MAP2K5: variants seen among roughly 807,000 people sequenced by gnomAD.
MAP2K5 encodes the protein mitogen-activated protein kinase kinase 5.
In MAP2K5, 49 loss-of-function variants were observed where a neutral mutation model predicts 83.1. The observed-to-expected ratio is 0.59, with a 90% CI of 0.47 to 0.75. The LOEUF is 0.75. Ranked by LOEUF, MAP2K5 falls within the 30% of genes least tolerant of loss-of-function variation. MAP2K5 has a pLI of 0.00. For missense variants in MAP2K5, 457 were observed against 557.5 expected (o/e 0.82, Z 1.82); for synonymous variants, 202 against 191.8 (o/e 1.05, Z -0.44).
intron 11 of MAP2K5, among the ~76,000 whole-genome samples, chr15:67,656,015 A>G (rs2087065395): frequency 6.6e-6 from 1 of 152,074 alleles, no homozygotes; most frequent in Non-Finnish European, 1.5e-5. Flanking sequence ...CTCTCCAAAA[A>G]TTTTCATTTC....
intron 3 of MAP2K5, among the ~76,000 whole-genome samples, chr15:67,574,280 A>C (rs1476505286): frequency 1.3e-5 from 2 of 152,192 alleles, no homozygotes; most frequent in African/African-American, 2.4e-5. Flanking sequence ...CAAGTTAATA[A>C]AATTTAGTAG....
intron 3 of MAP2K5, among the ~76,000 whole-genome samples, chr15:67,571,998 AACTC>A (rs1458301737): frequency 6.6e-6 from 1 of 152,206 alleles, no homozygotes; most frequent in African/African-American, 2.4e-5. Flanking sequence ...AGACAAGAAA[AACTC>A]ATAATTACCA....
chr15:67,721,083 A>C (rs1386420038), intron 16 of MAP2K5, among the ~76,000 whole-genome samples: 2 of 152,190 alleles, frequency 1.3e-5, no homozygotes, highest in Admixed American at 1.3e-4. Flanking sequence ...TACTGTAATA[A>C]GCCCATTTCT....
intron 13 of MAP2K5, among the ~76,000 whole-genome samples, chr15:67,666,761 C>A (rs564465992): frequency 7.9e-5 from 12 of 152,100 alleles, no homozygotes; most frequent in Non-Finnish European, 1.5e-4. Context: ...TAAAATGCCA[C>A]CTGTTGTGAG....
chr15:67,787,161 C>T (rs961189912), intron 21 of MAP2K5, among the ~76,000 whole-genome samples: 2 of 152,218 alleles, frequency 1.3e-5, no homozygotes, highest in Non-Finnish European at 2.9e-5. Context: ...GGACTGATTC[C>T]GCCTGCCCCT....
Position 67,779,324 on chromosome 15 carries a change from G to A in MAP2K5, c.1242+6572G>A, listed in dbSNP as rs761161583. Among the ~76,000 whole-genome samples the A allele has an allele frequency of 4.6e-5, 7 of 152,070 alleles. No homozygotes were observed. The highest frequency in any genetic ancestry group is 7.4e-5 in the Non-Finnish European group (5 of 68,022). On this transcript the variant is annotated intron_variant, in intron 21 of 21. Transcript: ENST00000178640. The surrounding 1 kb of genome is among the most constrained non-coding windows in gnomAD (Gnocchi z 4.6). Reference sequence around the variant, plus strand: ...CTTTTTAATTGCATATAATTACATCGGCAGAATCACTGTCTGGATACTTGA... The same window carrying A: ...CTTTTTAATTGCATATAATTACATCAGCAGAATCACTGTCTGGATACTTGA...
chr15:67,687,622 AT>A (rs1279507283), intron 13 of MAP2K5, among the ~76,000 whole-genome samples: 1 of 152,156 alleles, frequency 6.6e-6, no homozygotes, highest in Non-Finnish European at 1.5e-5. Context: ...ATGACTATGG[AT>A]TCTTCTCAGA....
At chr15:67,564,140 G>T (rs1404362215) in intron 3 of MAP2K5, among the ~76,000 whole-genome samples, 1 of 152,184 alleles carries the variant, frequency 6.6e-6, no homozygotes, top group Non-Finnish European at 1.5e-5. Context: ...CTGGAAGTCA[G>T]GAGACCTTAG....
At chr15:67,646,624 G>C (rs1567333320) in intron 11 of MAP2K5, among the ~76,000 whole-genome samples, 155 bp downstream of exon 11, 2 of 152,098 alleles carry the variant, frequency 1.3e-5, no homozygotes, top group Non-Finnish European at 2.9e-5. Flanking sequence ...AGTGTTAGGG[G>C]TTCCTGGGGT....
chr15:67,603,519 T>C (rs890322338), intron 8 of MAP2K5, among the ~76,000 whole-genome samples: 1 of 152,222 alleles, frequency 6.6e-6, no homozygotes, highest in Non-Finnish European at 1.5e-5. Flanking sequence ...AGTAGATTTC[T>C]TATAAAAAGA....
At chr15:67,666,638 T>A (rs946799719) in intron 13 of MAP2K5, among the ~76,000 whole-genome samples, 10 of 152,284 alleles carry the variant, frequency 6.6e-5, no homozygotes, top group African/African-American at 1.7e-4. Context: ...GGACAAGGGC[T>A]GCAGTGGTTT....
At position 67,806,411 on chromosome 15, in the gene MAP2K5, A is replaced by T. The variant is rs557494729; in HGVS notation, c.1243-235A>T. Among the ~76,000 whole-genome samples the T allele has an allele frequency of 4.7e-4, 71 of 152,302 alleles. 2 individuals carry two copies. The highest frequency in any genetic ancestry group is 1.4e-3 in the African/African-American group (57 of 41,558). On this transcript the variant is annotated intron_variant, in intron 21 of 21. Transcript: ENST00000178640. ...TGCGAGCCTCAGGAAGAGGTGGCAGAGTCTGAGATGTGCCAGCCAGCACTC... is the reference window on the plus strand; with the variant it reads ...TGCGAGCCTCAGGAAGAGGTGGCAGTGTCTGAGATGTGCCAGCCAGCACTC...
chr15:67,645,697 C>T (rs540171501), intron 9 of MAP2K5, among the ~76,000 whole-genome samples: 6 of 151,720 alleles, frequency 4.0e-5, no homozygotes, highest in African/African-American at 7.2e-5. Context: ...TGGGACCACC[C>T]GATCATACTA....
chr15:67,638,868 C>G lies in MAP2K5; in HGVS notation c.586-7363C>G, dbSNP rs1039267143. Among the ~76,000 whole-genome samples, 1 of 152,158 alleles carries G rather than the reference C, an allele frequency of 6.6e-6. No individual in the cohort carries two copies. The highest frequency in any genetic ancestry group is 2.4e-5 in the African/African-American group (1 of 41,418). Reference sequence around the variant, plus strand: ...ATAGGATTGTTGGCCTCGTGTATATCTTCTTTTGAGAAGTGTCTGTTCGTG... The same window carrying G: ...ATAGGATTGTTGGCCTCGTGTATATGTTCTTTTGAGAAGTGTCTGTTCGTG... On this transcript the variant is annotated intron_variant, in intron 9 of 21. Transcript: ENST00000178640. The surrounding 1 kb of genome is among the most constrained non-coding windows in gnomAD (Gnocchi z 4.5).
intron 21 of MAP2K5, among the ~76,000 whole-genome samples, chr15:67,805,013 G>T (rs1181806763): frequency 6.6e-6 from 1 of 152,170 alleles, no homozygotes; most frequent in African/African-American, 2.4e-5. Flanking sequence ...TGGCCCCTGT[G>T]CCCTTAGGGG....
intron 19 of MAP2K5, among the ~76,000 whole-genome samples, chr15:67,765,466 T>C (rs566754932): frequency 5.3e-5 from 8 of 152,226 alleles, no homozygotes; most frequent in Non-Finnish European, 1.2e-4. Context: ...CAGTTTTACA[T>C]GCACTTGTAT....
rs932596749 is a variant in MAP2K5, at chr15:67,563,833, C to A, written c.252+483C>A. On this transcript the variant is annotated intron_variant, in intron 3 of 21. Transcript: ENST00000178640. The surrounding 1 kb of genome is among the most constrained non-coding windows in gnomAD (Gnocchi z 4.5). Reference sequence around the variant, plus strand: ...CCATAATACTCCCACCGAAAATGAACTACAGGGCTACTTACTGAATCAAAG... The same window carrying A: ...CCATAATACTCCCACCGAAAATGAAATACAGGGCTACTTACTGAATCAAAG... 6.6e-6 allele frequency among the ~76,000 whole-genome samples: 1 copy of A among 152,116 alleles called. No individual in the cohort carries two copies. The highest frequency in any genetic ancestry group is 2.4e-5 in the African/African-American group (1 of 41,408).
chr15:67,608,689 AG>A (rs141202355), intron 8 of MAP2K5, among the ~76,000 whole-genome samples: 2,895 of 152,294 alleles, frequency 0.019, 43 homozygotes, highest in Non-Finnish European at 0.028. Flanking sequence ...GCTCCATGAC[AG>A]CTGACTTAAA....
At position 67,794,021 on chromosome 15, in the gene MAP2K5, T is replaced by G. The variant is rs775813024; in HGVS notation, c.1243-12625T>G. 6.6e-6 allele frequency among the ~76,000 whole-genome samples: 1 copy of G among 152,228 alleles called. No homozygotes were observed. The highest frequency in any genetic ancestry group is 1.5e-5 in the Non-Finnish European group (1 of 68,042). On this transcript the variant is annotated intron_variant, in intron 21 of 21. Transcript: ENST00000178640. The surrounding 1 kb of genome is among the most constrained non-coding windows in gnomAD (Gnocchi z 4.6). ...CTACCATTAGAAGGAAGCTTGCAAC[T>G]GAATAACTTGTCTTTCTTAACAGTG...
Sources: allele counts gnomAD v4.1 joint callset (sites outside exome capture counted in the v4.1 genomes callset), GRCh38; gene constraint gnomAD v4.1.1; non-coding constraint Gnocchi (gnomAD v3.1); transcripts MANE v1.5; gene names NCBI Gene and HGNC (gene_info 2026-07-23, HGNC 2026-07-21).